CRTAP: variants seen among roughly 807,000 people sequenced by gnomAD.
The protein encoded by CRTAP is cartilage associated protein, also known as cartilage-associated protein.
Under a neutral mutation model 42.7 loss-of-function variants are expected in CRTAP, and 33 were observed. That is an observed-to-expected ratio of 0.77 (90% CI 0.59 to 1.03). The LOEUF (loss-of-function observed/expected upper bound fraction) is 1.03, where lower values mean the gene tolerates loss of function less well. Among genes scored for constraint, CRTAP ranks in the 50% least tolerant of loss-of-function variants. The probability of loss-of-function intolerance (pLI) is 0.00; values close to 1 mark genes in which losing one functional copy is unlikely to be tolerated. For missense variants in CRTAP, 613 were observed against 533.9 expected, an observed-to-expected ratio of 1.15 and a Z score of -1.46; for synonymous variants, 243 against 217.7, an observed-to-expected ratio of 1.12 and a Z score of -1.02.
chr3:33,124,012 C>T (rs983153512), intron 2 of CRTAP, among the ~76,000 whole-genome samples: 7 of 152,122 alleles, frequency 4.6e-5, no homozygotes, highest in Admixed American at 4.6e-4. Context: ...TACATCCAGT[C>T]CTGTAACTGC....
At chr3:33,127,439 T>TTTTA (rs143513780) in intron 3 of CRTAP, among the ~76,000 whole-genome samples, 16 of 151,716 alleles carry the variant, frequency 1.1e-4, no homozygotes, top group South Asian at 2.1e-4. Context: ...ATTGTTATTA[T>TTTTA]TTTATTTATT....
chr3:33,129,770 C>A (rs2030193946), intron 3 of CRTAP, among the ~76,000 whole-genome samples, 169 bp from the exon 4 acceptor site: 1 of 151,992 alleles, frequency 6.6e-6, no homozygotes, highest in Admixed American at 6.6e-5. Flanking sequence ...TCCTCCTGAC[C>A]TTGTGATTCG....
intron 1 of CRTAP, among the ~76,000 whole-genome samples, chr3:33,118,170 A>G (rs1701368367): frequency 1.3e-5 from 2 of 151,810 alleles, no homozygotes; most frequent in Admixed American, 1.3e-4. Flanking sequence ...CATCTTGGCC[A>G]GGCTGATCTT....
At chr3:33,133,914 A>G (rs1375279867) in intron 5 of CRTAP, among the ~76,000 whole-genome samples, 1 of 152,180 alleles carries the variant, frequency 6.6e-6, no homozygotes, top group Non-Finnish European at 1.5e-5. Flanking sequence ...TCTATATGCC[A>G]TCTTGATTTT....
At chr3:33,123,625 GTTTTTTT>G (rs141876885) in intron 2 of CRTAP, among the ~76,000 whole-genome samples, 5,466 of 106,448 alleles carry the variant, frequency 0.051, 87 homozygotes, top group Admixed American at 0.069. Flanking sequence ...CCCAGTCTCG[GTTTTTTT>G]TTTTTTTTTT....
At chr3:33,121,958 A>G (rs1173263949) in intron 2 of CRTAP, among the ~76,000 whole-genome samples, 2 of 152,054 alleles carry the variant, frequency 1.3e-5, no homozygotes, top group African/African-American at 2.4e-5. Context: ...ATGCCTGCGC[A>G]TGCCAATGGG....
In CRTAP at chr3:33,120,407, G is replaced by A. The variant is rs953081958; in HGVS notation, c.535G>A (p.Glu179Lys). The A allele has an allele frequency of 5.0e-6, 8 of 1,613,890 alleles. No individual in the cohort carries two copies. The highest frequency in any genetic ancestry group is 1.7e-5 in the Admixed American group (1 of 59,986). ...HTFLLKHPDD[E>K]MMKRNMAYYK... Reference sequence around the variant, plus strand: ...CTTTCTACTGAAGCATCCTGATGACGAAATGATGAAGAGGAACATGGCATA... The same window carrying A: ...CTTTCTACTGAAGCATCCTGATGACAAAATGATGAAGAGGAACATGGCATA... Residue 179 changes from glutamate to lysine, a missense_variant, in exon 2 of 7, where the codon GAA becomes AAA. Physicochemically the swap from Glu to Lys is moderately conservative, Grantham distance 56 (BLOSUM62 1). Coordinates refer to ENST00000320954, the MANE Select transcript of CRTAP (RefSeq NM_006371.5).
intron 1 of CRTAP, chr3:33,115,456 T>A (rs892158736): frequency 6.6e-6 from 1 of 152,070 alleles, no homozygotes; most frequent in Non-Finnish European, 1.5e-5. Context: ...TGGCTAAAAA[T>A]AGCCACAAAT....
intron 4 of CRTAP, among the ~76,000 whole-genome samples, chr3:33,130,382 G>A (rs1294799804): frequency 1.3e-5 from 2 of 152,296 alleles, no homozygotes; most frequent in African/African-American, 2.4e-5. Context: ...GATGTGAAAT[G>A]TCTGGGGTAT....
chr3:33,119,363 C>G (rs780686703), intron 1 of CRTAP, among the ~76,000 whole-genome samples: 1 of 152,106 alleles, frequency 6.6e-6, no homozygotes, highest in Non-Finnish European at 1.5e-5. Flanking sequence ...GGGAGATAGA[C>G]GTACCACTGA....
intron 5 of CRTAP, 60 bp from the exon 6 acceptor site, chr3:33,134,122 C>A: frequency 8.6e-7 from 1 of 1,157,446 alleles, no homozygotes; most frequent in Non-Finnish European, 1.3e-6. Flanking sequence ...TTCCTCCCTC[C>A]TCCCAGTTCT....
rs763680235 is a variant in CRTAP, at chr3:33,124,439, A to G, written c.653A>G (p.Asn218Ser). The part of the protein sequence containing the change: ...SLFIRAVRAY[N>S]GENWRTSITD... ...TTCATCCGAGCAGTGCGGGCATACAACGGTGAGAACTGGAGAACATCCATC... is the reference window on the plus strand; with the variant it reads ...TTCATCCGAGCAGTGCGGGCATACAGCGGTGAGAACTGGAGAACATCCATC... The change falls in exon 3 of 7, where the codon AAC (asparagine) becomes AGC (serine). Residue 218 changes from asparagine to serine, a missense_variant. Physicochemically the swap from Asn to Ser is conservative, Grantham distance 46. Coordinates refer to ENST00000320954, the MANE Select transcript of CRTAP (RefSeq NM_006371.5). 1.2e-6 allele frequency: 2 copies of G among 1,614,110 alleles called. No individual in the cohort carries two copies.
At chr3:33,140,205 G>T (rs548681478) in intron 6 of CRTAP, among the ~76,000 whole-genome samples, 1 of 152,322 alleles carries the variant, frequency 6.6e-6, no homozygotes, top group East Asian at 1.9e-4. Context: ...AACAAACTCA[G>T]AAAGGCAGAG....
chr3:33,142,090 A>G (rs2030589051), intron 6 of CRTAP, among the ~76,000 whole-genome samples: 1 of 152,158 alleles, frequency 6.6e-6, no homozygotes, highest in African/African-American at 2.4e-5. Context: ...GAGGGGAGGA[A>G]GGGGAGTAGG....
At position 33,115,776 on chromosome 3, in the gene CRTAP, G is replaced by C. The variant is rs115363530; in HGVS notation, c.471+1228G>C. Among the ~76,000 whole-genome samples the C allele has an allele frequency of 1.4e-3, 211 of 151,612 alleles. 1 individual carries two copies. The highest frequency in any genetic ancestry group is 5.0e-3 in the African/African-American group (205 of 41,272). ...ATCTGTTTTTTCAGATTTCCACCGA[G>C]ACAGAGCCACGTGTATATTGTATTT... is the stretch of plus-strand genomic sequence containing the variant. On this transcript the variant is annotated intron_variant, in intron 1 of 6. Coordinates refer to ENST00000320954, the MANE Select transcript of CRTAP (RefSeq NM_006371.5).
chr3:33,132,730 T>C (rs757797834), intron 5 of CRTAP, 30 bp downstream of exon 5: 5 of 1,612,072 alleles, frequency 3.1e-6, no homozygotes, highest in Non-Finnish European at 4.2e-6. Context: ...CCTTCCCTTT[T>C]CTCTTCATTC....
rs966730596 is a variant in CRTAP, at chr3:33,134,779, G to A, written c.1152+514G>A. On this transcript the variant is annotated intron_variant, in intron 6 of 6. Transcript: ENST00000320954. ...GGAGTGGTCATTTTGTGATGAGTCT[G>A]GTCACAGAAAAGCCATCATTAGCGG... is the stretch of plus-strand genomic sequence containing the variant. Among the ~76,000 whole-genome samples the A allele has an allele frequency of 2.6e-5, 4 of 152,146 alleles. No individual in the cohort carries two copies. The East Asian group carries it at 7.7e-4, about 29-fold the overall frequency.
Position 33,114,418 on chromosome 3 carries a change from G to A in CRTAP, c.341G>A (p.Arg114His). Residue 114 changes from arginine to histidine, a missense_variant, in exon 1 of 7, where the codon CGC becomes CAC. By Grantham distance (29) the Arg-to-His change is conservative (BLOSUM62 0). Coordinates refer to ENST00000320954, the MANE Select transcript of CRTAP (RefSeq NM_006371.5). ...CTGCGCCTCTTCGGGGGCCTGCTGC[G>A]CCGCGCGCACTGCCTCAAGCGCTGC... ...PELRLFGGLL[R>H]RAHCLKRCKQ... The A allele has an allele frequency of 6.4e-7, 1 of 1,550,894 alleles. No homozygotes were observed. Among genetic ancestry groups the A allele is most frequent in the Non-Finnish European group, 8.7e-7 (1 of 1,152,592 alleles).
intron 3 of CRTAP, among the ~76,000 whole-genome samples, chr3:33,129,427 T>C (rs1419219977): frequency 6.6e-6 from 1 of 152,148 alleles, no homozygotes; most frequent in African/African-American, 2.4e-5. Context: ...ATTAATATCA[T>C]TTGGCCATTT....
Sources: allele counts gnomAD v4.1 joint callset (sites outside exome capture counted in the v4.1 genomes callset), GRCh38; gene constraint gnomAD v4.1.1; transcripts MANE v1.5; gene names NCBI Gene and HGNC (gene_info 2026-07-23, HGNC 2026-07-21).